Variants in PDE1A observed in about 807,000 individuals in gnomAD.
PDE1A encodes the protein dual specificity calcium/calmodulin-dependent 3',5'-cyclic nucleotide phosphodiesterase 1A.
In PDE1A, 35 loss-of-function variants were observed where a neutral mutation model predicts 61.7. That is an observed-to-expected ratio of 0.57 (90% CI 0.43 to 0.75). The LOEUF is 0.75. Among genes scored for constraint, PDE1A ranks in the 30% least tolerant of loss-of-function variants. The pLI is 0.00. For missense variants in PDE1A, 597 were observed against 630.6 expected (o/e 0.95, Z 0.57); for synonymous variants, 232 against 213.2 (o/e 1.09, Z -0.77).
chr2:182,584,545 ATG>A, the PDE1A span, among the ~76,000 whole-genome samples: 1 of 152,234 alleles, frequency 6.6e-6, no homozygotes, highest in Non-Finnish European at 1.5e-5. Context: ...ATGTGAGATG[ATG>A]TGTGTAAGTG....
At chr2:182,356,930 G>A (rs964560490) in intron 1 of PDE1A, among the ~76,000 whole-genome samples, 15 of 151,946 alleles carry the variant, frequency 9.9e-5, no homozygotes, top group Non-Finnish European at 1.3e-4. Flanking sequence ...CTATCACAAG[G>A]ACAAAAAACC....
At chr2:182,149,508 C>T (rs1690666434) in intron 13 of PDE1A, among the ~76,000 whole-genome samples, 1 of 152,112 alleles carries the variant, frequency 6.6e-6, no homozygotes, top group African/African-American at 2.4e-5. Context: ...AACTAAAATT[C>T]CAGCTCTTTT....
chr2:182,393,378 G>C (rs1043057901), intron 1 of PDE1A, among the ~76,000 whole-genome samples: 55 of 144,452 alleles, frequency 3.8e-4, no homozygotes, highest in African/African-American at 1.3e-3. Flanking sequence ...CCTACCCACA[G>C]AACCTTTTTT....
chr2:182,431,103 T>C (rs987593666), upstream of PDE1A, among the ~76,000 whole-genome samples: 1 of 88,570 alleles, frequency 1.1e-5, no homozygotes, highest in African/African-American at 4.0e-5. Context: ...ACTTAGAGTA[T>C]AATAAAAAAA....
chr2:182,314,372 G>A (rs554154047), intron 1 of PDE1A: 1 of 152,266 alleles, frequency 6.6e-6, no homozygotes, highest in Admixed American at 6.5e-5. Flanking sequence ...GATGCACTAT[G>A]CCAATAGGGT....
At chr2:182,360,093 T>C (rs1030055836) in intron 1 of PDE1A, among the ~76,000 whole-genome samples, 4 of 152,102 alleles carry the variant, frequency 2.6e-5, no homozygotes, top group Non-Finnish European at 5.9e-5. Flanking sequence ...GGGCTCCTTT[T>C]CTTTCCGGAT....
At chr2:182,644,768 T>G in the PDE1A span, among the ~76,000 whole-genome samples, 1 of 152,294 alleles carries the variant, frequency 6.6e-6, no homozygotes, top group East Asian at 1.9e-4. Context: ...AGCACATGGT[T>G]CCTTCTTCTT....
the PDE1A span, among the ~76,000 whole-genome samples, chr2:182,588,487 T>G: frequency 6.6e-6 from 1 of 152,224 alleles, no homozygotes; most frequent in Non-Finnish European, 1.5e-5. Context: ...AAACTCTTAT[T>G]ACTTCTGTCT....
chr2:182,528,031 A>T (rs931919853), upstream of PDE1A, among the ~76,000 whole-genome samples: 1 of 152,102 alleles, frequency 6.6e-6, no homozygotes, highest in African/African-American at 2.4e-5. Context: ...AAAATGGACT[A>T]ATACAGTAAA....
rs56787177 is a variant in PDE1A, at chr2:182,286,570, T to G, written c.54-22156A>C. Among the ~76,000 whole-genome samples, 1,033 of 152,280 alleles carry G rather than the reference T, an allele frequency of 6.8e-3. 7 individuals carry two copies. The highest frequency in any genetic ancestry group is 0.023 in the African/African-American group (948 of 41,570). ...CCTGATTAGTGAGTGATTTCGGACCTAAGCTCTTTCCATCACATGATGTCA... is the reference window on the plus strand; with the variant it reads ...CCTGATTAGTGAGTGATTTCGGACCGAAGCTCTTTCCATCACATGATGTCA... On this transcript the variant is annotated intron_variant, in intron 1 of 13. Coordinates refer to ENST00000351439, the Ensembl canonical transcript of PDE1A.
chr2:182,257,091 C>T (rs1691875427), intron 2 of PDE1A, among the ~76,000 whole-genome samples: 2 of 152,176 alleles, frequency 1.3e-5, no homozygotes, highest in Non-Finnish European at 2.9e-5. Flanking sequence ...GTTAATTGGG[C>T]AATTCATATT....
At chr2:182,573,858 T>A in the PDE1A span, among the ~76,000 whole-genome samples, 2 of 143,298 alleles carry the variant, frequency 1.4e-5, no homozygotes, top group African/African-American at 5.4e-5. Flanking sequence ...TTTATATATT[T>A]ATATATACAT....
intron 1 of PDE1A, among the ~76,000 whole-genome samples, chr2:182,289,479 G>T (rs1038092750): frequency 6.6e-6 from 1 of 152,008 alleles, no homozygotes; most frequent in African/African-American, 2.4e-5. Context: ...AAATAACATG[G>T]ATATAAATAT....
At chr2:182,561,868 C>G in the PDE1A span, among the ~76,000 whole-genome samples, 8 of 151,782 alleles carry the variant, frequency 5.3e-5, no homozygotes, top group Admixed American at 2.6e-4. Flanking sequence ...GTCTGTTATT[C>G]GTGTATAAGA....
At chr2:182,245,070 C>G (rs1162134758) in intron 2 of PDE1A, among the ~76,000 whole-genome samples, 1 of 152,170 alleles carries the variant, frequency 6.6e-6, no homozygotes, top group Non-Finnish European at 1.5e-5. Flanking sequence ...TTAACTTGAC[C>G]TTTTTATTCT....
chr2:182,693,848 T>C, the PDE1A span, among the ~76,000 whole-genome samples: 3 of 152,246 alleles, frequency 2.0e-5, no homozygotes, highest in African/African-American at 7.2e-5. Context: ...CATTTTGCCA[T>C]GTTGGCCAGG....
chr2:182,245,519 C>T (rs1188460532), intron 2 of PDE1A, among the ~76,000 whole-genome samples: 1 of 152,180 alleles, frequency 6.6e-6, no homozygotes, highest in African/African-American at 2.4e-5. Context: ...CCTTCCTTCC[C>T]TCACCTCTGG....
the PDE1A span, among the ~76,000 whole-genome samples, chr2:182,595,350 G>A: frequency 2.0e-5 from 3 of 152,184 alleles, no homozygotes; most frequent in African/African-American, 7.2e-5. Flanking sequence ...CTCCTCTGCT[G>A]ATTGTCCAAA....
At chr2:182,234,393 A>G in intron 4 of PDE1A, 39 bp downstream of exon 4, 1 of 1,411,560 alleles carries the variant, frequency 7.1e-7, no homozygotes, top group Non-Finnish European at 9.9e-7. Context: ...ATTTTTTAAA[A>G]TGACCATTTT....
Sources: gnomAD v4.1 joint callset for allele counts (sites outside exome capture counted in the v4.1 genomes callset) on GRCh38, gnomAD v4.1.1 for gene constraint, MANE v1.5 for transcripts, NCBI Gene and HGNC (gene_info 2026-07-23, HGNC 2026-07-21) for gene names.